Variants in JAKMIP2 observed in about 807,000 individuals in gnomAD.
JAKMIP2 encodes janus kinase and microtubule-interacting protein 2.
In JAKMIP2, 25 loss-of-function variants were observed where a neutral mutation model predicts 115.0. The ratio of observed to expected loss-of-function variants is 0.22; its 90% CI spans 0.16 to 0.30. The LOEUF is 0.30. JAKMIP2 is among the 10% of genes least tolerant of loss of function. JAKMIP2 has a pLI of 1.00. For synonymous variants in JAKMIP2, 334 were observed against 343.6 expected, an observed-to-expected ratio of 0.97 and a Z score of 0.31; for missense variants, 642 against 957.6, an observed-to-expected ratio of 0.67 and a Z score of 4.35.
chr5:147,682,588 T>C (rs1180995668), intron 1 of JAKMIP2, among the ~76,000 whole-genome samples: 5 of 152,228 alleles, frequency 3.3e-5, no homozygotes, highest in African/African-American at 1.2e-4. Flanking sequence ...TTTGTGCTCA[T>C]TGTACCTGTC....
Position 147,639,780 on chromosome 5 carries a change from GC to G in JAKMIP2, c.1402-21del, listed in dbSNP as rs753036850. ...TAAACTCTTGAGGTTAAGAAAAAAA[GC>G]CCCAAAACAATTGTGTTATGTTCAG... On this transcript the variant is annotated intron_variant, in intron 9 of 21. Transcript: ENST00000616793. 2 of 1,603,104 alleles carry G rather than the reference GC, an allele frequency of 1.2e-6. No individual in the cohort carries two copies. The highest frequency in any genetic ancestry group is 1.7e-6 in the Non-Finnish European group (2 of 1,175,802).
At chr5:147,690,120 C>T (rs376235219) in intron 1 of JAKMIP2, among the ~76,000 whole-genome samples, 6 of 152,032 alleles carry the variant, frequency 3.9e-5, no homozygotes, top group African/African-American at 1.2e-4. Context: ...GAGGCTGAGG[C>T]GAGGGGATCG....
chr5:147,741,060 T>C (rs1408294340), intron 1 of JAKMIP2, among the ~76,000 whole-genome samples: 1 of 152,184 alleles, frequency 6.6e-6, no homozygotes, highest in Non-Finnish European at 1.5e-5. Flanking sequence ...AGATCATCCC[T>C]GTCCCTTCAG....
Position 147,632,683 on chromosome 5 carries a change from T to C in JAKMIP2, c.1773A>G (p.Leu591=), listed in dbSNP as rs762149233. 1.3e-6 allele frequency: 2 copies of C among 1,574,964 alleles called. No individual in the cohort carries two copies. Among genetic ancestry groups the C allele is most frequent in the African/African-American group, 1.3e-5 (1 of 74,188 alleles). ...ATTATCATCATCATTTCCTTACTTC[T>C]AGCTCTAGGTTTCGAAACTCCAGCA... is the stretch of plus-strand genomic sequence containing the variant. ...NELLEFRNLE[L]EERERRSPPF... Residue 591 remains leucine (L), a synonymous_variant, in exon 13 of 22, where the codon CTA becomes CTG. Coordinates refer to ENST00000616793, the MANE Select transcript of JAKMIP2 (RefSeq NM_001270941.2).
chr5:147,611,395 C>A (rs981896509), intron 20 of JAKMIP2, among the ~76,000 whole-genome samples: 2 of 152,096 alleles, frequency 1.3e-5, no homozygotes, highest in African/African-American at 2.4e-5. Context: ...AGTGCACCAT[C>A]CCTCATGGTG....
At chr5:147,725,870 C>G (rs1483659867) in intron 1 of JAKMIP2, among the ~76,000 whole-genome samples, 2 of 152,120 alleles carry the variant, frequency 1.3e-5, no homozygotes, top group African/African-American at 2.4e-5. Context: ...CTATGGGTGA[C>G]AGGACTAGGC....
In JAKMIP2 at chr5:147,645,333, G is replaced by T. The variant is rs80041721; in HGVS notation, c.937-337C>A. 6.9e-3 allele frequency among the ~76,000 whole-genome samples: 1,045 copies of T among 152,188 alleles called. 49 individuals are homozygous for T. The East Asian group carries it at 0.13, about 19-fold the overall frequency. Reference sequence around the variant, plus strand: ...ACTTGTTACTCCACCGTGCTCAGCTGCAATCCCTGCACCTGGAATGACCTG... The same window carrying T: ...ACTTGTTACTCCACCGTGCTCAGCTTCAATCCCTGCACCTGGAATGACCTG... On this transcript the variant is annotated intron_variant, in intron 5 of 21. Coordinates refer to ENST00000616793, the MANE Select transcript of JAKMIP2 (RefSeq NM_001270941.2).
intron 1 of JAKMIP2, among the ~76,000 whole-genome samples, chr5:147,677,046 G>A (rs968806159): frequency 1.3e-5 from 2 of 152,228 alleles, no homozygotes; most frequent in African/African-American, 4.8e-5. Context: ...GGGCTACGGA[G>A]TTAGACAAAC....
intron 1 of JAKMIP2, among the ~76,000 whole-genome samples, chr5:147,750,364 G>A (rs1191350544): frequency 1.3e-5 from 2 of 152,044 alleles, no homozygotes; most frequent in East Asian, 3.9e-4. Flanking sequence ...TGTGATAAAG[G>A]CCCCATGGGG....
chr5:147,722,225 T>C (rs1753340746), intron 1 of JAKMIP2, among the ~76,000 whole-genome samples: 1 of 152,180 alleles, frequency 6.6e-6, no homozygotes, highest in Non-Finnish European at 1.5e-5. Context: ...TTTTCCTTCT[T>C]GTTGCAGTTC....
intron 1 of JAKMIP2, among the ~76,000 whole-genome samples, chr5:147,693,643 T>C (rs1439792656): frequency 6.6e-6 from 1 of 150,380 alleles, no homozygotes; most frequent in African/African-American, 2.4e-5. Context: ...AGGCACAAAA[T>C]AAAATGTTAC....
At chr5:147,742,155 A>ATATATATATATATATATATATTTT in intron 1 of JAKMIP2, among the ~76,000 whole-genome samples, 17 of 108,902 alleles carry the variant, frequency 1.6e-4, no homozygotes, top group East Asian at 9.8e-4. Context: ...ATATATATAT[A>ATATATATATATATATATATATTTT]TTTTTTTTAC....
intron 1 of JAKMIP2, among the ~76,000 whole-genome samples, chr5:147,686,849 A>G (rs1323238952): frequency 5.9e-5 from 9 of 152,180 alleles, no homozygotes; most frequent in Admixed American, 2.0e-4. Context: ...TCCTCCCAGC[A>G]TTTTCTTTAT....
chr5:147,653,575 A>C (rs1158685831), intron 3 of JAKMIP2, among the ~76,000 whole-genome samples: 1 of 151,520 alleles, frequency 6.6e-6, no homozygotes, highest in Non-Finnish European at 1.5e-5. Flanking sequence ...TTTTTCTTGT[A>C]AATTTGTTTA....
chr5:147,762,500 G>A (rs893542320), intron 1 of JAKMIP2, among the ~76,000 whole-genome samples: 1 of 151,996 alleles, frequency 6.6e-6, no homozygotes, highest in African/African-American at 2.4e-5. Flanking sequence ...TTCCCCTGAT[G>A]TCTTTCTCCT....
intron 15 of JAKMIP2, among the ~76,000 whole-genome samples, chr5:147,629,211 C>T (rs986163449): frequency 6.6e-5 from 10 of 152,134 alleles, no homozygotes; most frequent in African/African-American, 1.9e-4. Flanking sequence ...CCTACAAGCA[C>T]CAATCACATA....
chr5:147,701,049 A>G (rs899930889), intron 1 of JAKMIP2, among the ~76,000 whole-genome samples: 2 of 152,116 alleles, frequency 1.3e-5, no homozygotes, highest in African/African-American at 4.8e-5. Flanking sequence ...CCTGTAGGCT[A>G]TGGTAAGAAT....
intron 20 of JAKMIP2, among the ~76,000 whole-genome samples, chr5:147,605,862 T>G (rs543335143): frequency 3.5e-4 from 54 of 152,348 alleles, no homozygotes; most frequent in Non-Finnish European, 5.6e-4. Flanking sequence ...CCTGACTTTT[T>G]AATGATAGCC....
At position 147,590,254 on chromosome 5, in the gene JAKMIP2, C is replaced by T. The variant is rs1755048479; in HGVS notation, c.*1453G>A. The T allele has an allele frequency of 6.6e-6, 1 of 152,206 alleles. No individual in the cohort carries two copies. The allele number at this position is 152,206 out of a possible 1,614,324, so 9.4% of individuals were successfully genotyped here. Reference sequence around the variant, plus strand: ...CACATATTCTCTATGCATGGGAATTCTAGCCCCATAAATAAAACTTCAAAA... The same window carrying T: ...CACATATTCTCTATGCATGGGAATTTTAGCCCCATAAATAAAACTTCAAAA... On this transcript the variant is annotated 3_prime_UTR_variant, in exon 22 of 22. Coordinates refer to ENST00000616793, the MANE Select transcript of JAKMIP2 (RefSeq NM_001270941.2).
Sources: gnomAD v4.1 joint callset for allele counts (sites outside exome capture counted in the v4.1 genomes callset) on GRCh38, gnomAD v4.1.1 for gene constraint, MANE v1.5 for transcripts, NCBI Gene and HGNC (gene_info 2026-07-23, HGNC 2026-07-21) for gene names.